Variants in ABCC3 observed in about 807,000 individuals in gnomAD.
ABCC3 encodes ATP-binding cassette sub-family C member 3.
ABCC3 carries 121 observed loss-of-function variants against 165.3 expected under a neutral mutation model. The ratio of observed to expected loss-of-function variants is 0.73; its 90% CI spans 0.63 to 0.85. ABCC3 has a LOEUF of 0.85. Ranked by LOEUF, ABCC3 falls within the 40% of genes least tolerant of loss-of-function variation. The pLI is 0.00. For synonymous variants in ABCC3, 733 were observed against 810.1 expected (o/e 0.90, Z 1.62); for missense variants, 1,869 against 1,964.1 (o/e 0.95, Z 0.92).
intron 19 of ABCC3, among the ~76,000 whole-genome samples, chr17:50,674,856 A>G (rs572235423): frequency 1.1e-3 from 166 of 150,220 alleles, no homozygotes; most frequent in African/African-American, 4.0e-3. Flanking sequence ...CTGGAGTGCA[A>G]CGGTGCGATC....
At chr17:50,682,345 TAAAAA>T (rs35507460) in intron 26 of ABCC3, among the ~76,000 whole-genome samples, 1 of 131,584 alleles carries the variant, frequency 7.6e-6, no homozygotes. Context: ...CCAAGAGATT[TAAAAA>T]AAAAAAAAAA....
chr17:50,659,540 C>G (rs55981810), intron 7 of ABCC3, among the ~76,000 whole-genome samples, 172 bp downstream of exon 7: 42,944 of 152,066 alleles, frequency 0.28, 6,460 homozygotes, highest in East Asian at 0.4. Context: ...GCCTGGATGG[C>G]GCTAGTTCTC....
rs762320996 is a variant in ABCC3 at position 50,673,041 on chromosome 17, T to A, written c.2312T>A (p.Ile771Asn). 7 of 1,614,110 alleles carry A rather than the reference T, an allele frequency of 4.3e-6. No homozygotes were observed. Among genetic ancestry groups the A allele is most frequent in the Non-Finnish European group, 5.9e-6 (7 of 1,180,024 alleles). ...LARAVYSDAD[I>N]FLLDDPLSAV... Reference sequence around the variant, plus strand: ...CGAGCTGTTTACAGTGATGCCGATATTTTCTTGCTGGATGACCCACTGTCC... The same window carrying A: ...CGAGCTGTTTACAGTGATGCCGATAATTTCTTGCTGGATGACCCACTGTCC... The change falls in exon 18 of 31, where the codon ATT becomes AAT. Residue 771 changes from isoleucine (I) to asparagine (N), a missense_variant. Transcript: ENST00000285238.
chr17:50,661,112 C>G lies in ABCC3; in HGVS notation c.996C>G (p.Leu332=). 3.1e-6 allele frequency: 5 copies of G among 1,610,842 alleles called. No homozygotes were observed. Among genetic ancestry groups the G allele is most frequent in the Non-Finnish European group, 4.2e-6 (5 of 1,177,764 alleles). The change falls in exon 8 of 31, where the codon CTC becomes CTG. Residue 332 remains leucine, a splice_region_variant and synonymous_variant. Transcript: ENST00000285238. ...DLLSFINPQL[L]SILIRFISNP... ...TCTCCTTCATCAATCCACAGCTGCT[C>G]AGGTCTCTCCACACTCCGGCTCACT...
chr17:50,676,716 GCTTAACATTTATGTTAGGGGAGCCATTA>G, intron 23 of ABCC3, 128 bp downstream of exon 23: 1 of 902,704 alleles, frequency 1.1e-6, no homozygotes, highest in South Asian at 1.8e-5. Context: ...GGCAGTCGTT[GCTTAACATTTATGTTAGGGGAGCCATTA>G]CTTAACCTCT....
intron 7 of ABCC3, among the ~76,000 whole-genome samples, chr17:50,660,355 G>C (rs1190734279): frequency 6.6e-6 from 1 of 152,156 alleles, no homozygotes; most frequent in Non-Finnish European, 1.5e-5. Flanking sequence ...CCCCAGGATT[G>C]AACCCTCCCT....
intron 30 of ABCC3, among the ~76,000 whole-genome samples, chr17:50,689,321 G>T (rs1056148356): frequency 1.3e-5 from 2 of 152,248 alleles, no homozygotes; most frequent in Non-Finnish European, 1.5e-5. Flanking sequence ...GCCCTCAGAA[G>T]CTTGTGGCTT....
intron 1 of ABCC3, among the ~76,000 whole-genome samples, chr17:50,654,474 C>A (rs1025834128): frequency 3.9e-5 from 6 of 152,200 alleles, no homozygotes; most frequent in African/African-American, 1.2e-4. Context: ...AAGTAACCAA[C>A]CATCCTGGTT....
rs756954405 is a variant in ABCC3, at chr17:50,668,419, T to C, written c.1783-11T>C. 1 of 1,612,584 alleles carries C rather than the reference T, an allele frequency of 6.2e-7. No homozygotes were observed. Among genetic ancestry groups the C allele is most frequent in the South Asian group, 1.1e-5 (1 of 91,038 alleles). On this transcript the variant is annotated splice_polypyrimidine_tract_variant and intron_variant, in intron 13 of 30. Coordinates refer to ENST00000285238, the MANE Select transcript of ABCC3 (RefSeq NM_003786.4). ...GTACAGTCTCTAGGGCTGACTCACA[T>C]CCTCCCGTAGGCCAGTGTGTCTCTG...
chr17:50,646,247 G>C (rs1966999861), intron 1 of ABCC3, among the ~76,000 whole-genome samples: 1 of 152,170 alleles, frequency 6.6e-6, no homozygotes, highest in Non-Finnish European at 1.5e-5. Context: ...AGAGAGAAGA[G>C]CAAGTGCAAA....
Position 50,682,697 on chromosome 17 carries a change from C to A in ABCC3, c.3808-913C>A, listed in dbSNP as rs1241323640. On this transcript the variant is annotated intron_variant, in intron 26 of 30. Transcript: ENST00000285238. ...AGCAGCAACACTAAGCACTTCTTGG[C>A]CCCAGCACTCATCACTTCTTGCGTT... is the stretch of plus-strand genomic sequence containing the variant. Among the ~76,000 whole-genome samples the A allele has an allele frequency of 1.3e-5, 2 of 152,200 alleles. 1 individual carries two copies. Among genetic ancestry groups the A allele is most frequent in the South Asian group, 4.1e-4 (2 of 4,834 alleles).
chr17:50,675,241 C>T (rs1967773887), intron 19 of ABCC3, 121 bp from the exon 20 acceptor site: 2 of 609,694 alleles, frequency 3.3e-6, no homozygotes, highest in South Asian at 2.8e-5. Context: ...TTTCAATCCC[C>T]CTCATTTTAT....
chr17:50,685,850 T>C (rs1002176901), intron 29 of ABCC3, among the ~76,000 whole-genome samples: 1 of 152,150 alleles, frequency 6.6e-6, no homozygotes, highest in Non-Finnish European at 1.5e-5. Flanking sequence ...TCCTCTTCCC[T>C]ATTTTCATTT....
intron 7 of ABCC3, among the ~76,000 whole-genome samples, chr17:50,659,678 C>G (rs1967334810): frequency 6.8e-6 from 1 of 147,582 alleles, no homozygotes; most frequent in African/African-American, 2.6e-5. Context: ...TTCAAGTGTC[C>G]CTGTGTTACA....
At chr17:50,690,142 A>G (rs550781894) in intron 30 of ABCC3, among the ~76,000 whole-genome samples, 135 of 152,228 alleles carry the variant, frequency 8.9e-4, no homozygotes, top group African/African-American at 3.0e-3. Context: ...CAGGCAAAGG[A>G]TATAACACAT....
intron 1 of ABCC3, among the ~76,000 whole-genome samples, chr17:50,645,632 G>C (rs1418449647): frequency 6.6e-6 from 1 of 151,928 alleles, no homozygotes; most frequent in Non-Finnish European, 1.5e-5. Context: ...TCCAGGTCTT[G>C]CTCTGTTGCT....
intron 1 of ABCC3, among the ~76,000 whole-genome samples, chr17:50,651,807 T>C (rs1299864675): frequency 1.3e-5 from 2 of 152,214 alleles, no homozygotes; most frequent in Non-Finnish European, 2.9e-5. Flanking sequence ...CTCACTTATT[T>C]TCAACACTTA....
intron 1 of ABCC3, among the ~76,000 whole-genome samples, chr17:50,646,684 G>A (rs181852251): frequency 9.8e-5 from 15 of 152,300 alleles, no homozygotes; most frequent in African/African-American, 3.6e-4. Context: ...GGACCCCAGG[G>A]AATCTGAAGG....
At chr17:50,666,571 T>A (rs941743569) in intron 11 of ABCC3, among the ~76,000 whole-genome samples, 3 of 152,232 alleles carry the variant, frequency 2.0e-5, no homozygotes, top group Admixed American at 6.5e-5. Context: ...TACAGGATCC[T>A]GTGATTTCCC....
Sources: gnomAD v4.1 joint callset for allele counts (sites outside exome capture counted in the v4.1 genomes callset) on GRCh38, gnomAD v4.1.1 for gene constraint, MANE v1.5 for transcripts, NCBI Gene and HGNC (gene_info 2026-07-23, HGNC 2026-07-21) for gene names.